GK5: variants seen among roughly 807,000 people sequenced by gnomAD.
GK5 encodes ATP:glycerol 3-phosphotransferase 5.
In GK5, 39 loss-of-function variants were observed where a neutral mutation model predicts 77.3. That is an observed-to-expected ratio of 0.50 (90% CI 0.39 to 0.66). The LOEUF is 0.66. GK5 is among the 30% of genes least tolerant of loss of function. The probability of loss-of-function intolerance (pLI) is 0.00; values close to 1 mark genes in which losing one functional copy is unlikely to be tolerated. For missense variants in GK5, 487 were observed against 633.8 expected, an observed-to-expected ratio of 0.77 and a Z score of 2.49; for synonymous variants, 211 against 208.0, an observed-to-expected ratio of 1.01 and a Z score of -0.13.
At chr3:142,203,648 C>T (rs911075065) in intron 4 of GK5, among the ~76,000 whole-genome samples, 1 of 152,130 alleles carries the variant, frequency 6.6e-6, no homozygotes, top group Non-Finnish European at 1.5e-5. Context: ...GTGGCATATG[C>T]TTGTAGTCCC....
In GK5 at chr3:142,186,238, T is replaced by TA. The variant is rs773181832; in HGVS notation, c.710dup (p.Ile238AsnfsTer23). 6.2e-7 allele frequency: 1 copy of TA among 1,607,062 alleles called. No homozygotes were observed. The highest frequency in any genetic ancestry group is 1.3e-5 in the African/African-American group (1 of 74,888). On this transcript the variant is annotated frameshift_variant, in exon 8 of 16. Coordinates refer to ENST00000392993, the MANE Select transcript of GK5 (RefSeq NM_001039547.3). LOFTEE classifies it high-confidence loss of function. ...GTAGGAGAGAAAGTGGTATCGAAAT[T>TA]AGAGAGGTAATCATCCCACTCCAAC...
chr3:142,222,805 C>T (rs1388911642), intron 1 of GK5, among the ~76,000 whole-genome samples: 1 of 152,098 alleles, frequency 6.6e-6, no homozygotes, highest in Non-Finnish European at 1.5e-5. Context: ...AAAAAAAAGG[C>T]ATACAAAATA....
At chr3:142,210,833 G>A (rs577013086) in intron 3 of GK5, among the ~76,000 whole-genome samples, 26 of 152,342 alleles carry the variant, frequency 1.7e-4, no homozygotes, top group African/African-American at 6.3e-4. Context: ...TGTCATGAGT[G>A]ATATGGTAGC....
At chr3:142,219,497 T>C (rs753574604) in intron 1 of GK5, among the ~76,000 whole-genome samples, 5 of 152,196 alleles carry the variant, frequency 3.3e-5, no homozygotes, top group Non-Finnish European at 4.4e-5. Context: ...TATGATTCCA[T>C]TTATATGACA....
intron 14 of GK5, among the ~76,000 whole-genome samples, chr3:142,171,173 G>A (rs1489179043): frequency 6.6e-6 from 1 of 152,092 alleles, no homozygotes; most frequent in Non-Finnish European, 1.5e-5. Context: ...AGAGGTTGCA[G>A]TGAGCCGAGA....
intron 4 of GK5, among the ~76,000 whole-genome samples, chr3:142,201,534 A>C (rs956959869): frequency 1.3e-5 from 2 of 152,226 alleles, no homozygotes; most frequent in Non-Finnish European, 2.9e-5. Flanking sequence ...ACAGAAGAAC[A>C]ACACAAGAGA....
chr3:142,157,708 A>G lies in GK5; in HGVS notation c.*7914T>C, dbSNP rs1487717470. The G allele has an allele frequency of 6.6e-6, 1 of 152,212 alleles. No individual in the cohort carries two copies. The highest frequency in any genetic ancestry group is 1.5e-5 in the Non-Finnish European group (1 of 68,034). 9.4% of individuals were successfully genotyped at this position (152,212 alleles called of 1,614,324 possible). ...TATTTATAATCTTTCTAAATATTTT[A>G]AAATACAGTATATTTTCACAACAAA... is the stretch of plus-strand genomic sequence containing the variant. On this transcript the variant is annotated 3_prime_UTR_variant, in exon 16 of 16. Coordinates refer to ENST00000392993, the MANE Select transcript of GK5 (RefSeq NM_001039547.3).
intron 5 of GK5, among the ~76,000 whole-genome samples, chr3:142,194,415 A>C (rs910358355): frequency 6.6e-6 from 1 of 152,060 alleles, no homozygotes; most frequent in Non-Finnish European, 1.5e-5. Flanking sequence ...AGTCCCAACT[A>C]CTTGGGAGGC....
At chr3:142,186,666 C>A (rs1264194625) in intron 6 of GK5, among the ~76,000 whole-genome samples, 153 bp from the exon 7 acceptor site, 1 of 138,992 alleles carries the variant, frequency 7.2e-6, no homozygotes. Flanking sequence ...GAGTTTCACT[C>A]GTTGCCCAGG....
At chr3:142,190,780 C>A (rs74834611) in intron 5 of GK5, among the ~76,000 whole-genome samples, 1,575 of 152,026 alleles carry the variant, frequency 0.01, 14 homozygotes, top group Non-Finnish European at 0.016. Flanking sequence ...AGATCAGAAA[C>A]AAGAAAAAGA....
At chr3:142,223,315 AC>A (rs1211708908) in intron 1 of GK5, among the ~76,000 whole-genome samples, 2 of 152,268 alleles carry the variant, frequency 1.3e-5, no homozygotes, top group Admixed American at 6.5e-5. Context: ...GCTTAAAAGT[AC>A]TTTGTGTCTA....
At chr3:142,184,260 C>CAAAAAAAAAAAAAAAAA (rs1161704184) in intron 9 of GK5, among the ~76,000 whole-genome samples, 12 of 10,670 alleles carry the variant, frequency 1.1e-3, no homozygotes, top group African/African-American at 1.6e-3. Flanking sequence ...GACTCTGTCT[C>CAAAAAAAAAAAAAAAAA]AAAAAAAAAA....
Position 142,164,026 on chromosome 3 carries a change from TAAATA to T in GK5, c.*1591_*1595del, listed in dbSNP as rs1560206276. ...CATAATGAAGTTTGACTTTTTACAG[TAAATA>T]AAATACCTATTTATTAATATTTCCA... On this transcript the variant is annotated 3_prime_UTR_variant, in exon 16 of 16. Transcript: ENST00000392993. 6.6e-6 allele frequency: 1 copy of T among 152,134 alleles called. No individual in the cohort carries two copies. The allele number at this position is 152,134 out of a possible 1,614,324, so 9.4% of individuals were successfully genotyped here.
intron 5 of GK5, among the ~76,000 whole-genome samples, chr3:142,188,934 A>G (rs1286042162): frequency 6.6e-6 from 1 of 152,238 alleles, no homozygotes; most frequent in African/African-American, 2.4e-5. Flanking sequence ...TTAGGGTGTT[A>G]TTAACATACT....
At chr3:142,176,913 G>A (rs780978567) in intron 12 of GK5, among the ~76,000 whole-genome samples, 11 of 151,922 alleles carry the variant, frequency 7.2e-5, no homozygotes, top group East Asian at 1.9e-4. Context: ...CACCCGCCTC[G>A]GCCTCCCAAA....
intron 11 of GK5, among the ~76,000 whole-genome samples, chr3:142,180,427 A>G (rs553016593): frequency 1.0e-3 from 157 of 150,864 alleles, no homozygotes; most frequent in Non-Finnish European, 1.9e-3. Flanking sequence ...CTCAGCCTCC[A>G]GAGTAGCTGG....
At position 142,163,968 on chromosome 3, in the gene GK5, AGG is replaced by A. The variant is rs911932838; in HGVS notation, c.*1652_*1653del. 1 of 152,198 alleles carries A rather than the reference AGG, an allele frequency of 6.6e-6. No homozygotes were observed. The highest frequency in any genetic ancestry group is 2.4e-5 in the African/African-American group (1 of 41,460). The allele number at this position is 152,198 out of a possible 1,614,324, so 9.4% of individuals were successfully genotyped here. ...TAAGCTTTGTAAAAAGGATGTAAAC[AGG>A]GGAAAGAATGAAAAGAATAAGATTT... On this transcript the variant is annotated 3_prime_UTR_variant, in exon 16 of 16. Transcript: ENST00000392993.
chr3:142,216,273 A>T (rs1403685953), intron 1 of GK5, among the ~76,000 whole-genome samples: 2 of 152,170 alleles, frequency 1.3e-5, no homozygotes, highest in African/African-American at 4.8e-5. Context: ...GCACAGAGGA[A>T]GTGCCAGGAT....
chr3:142,190,582 A>G (rs774816167), intron 5 of GK5, among the ~76,000 whole-genome samples: 3 of 152,242 alleles, frequency 2.0e-5, no homozygotes, highest in Non-Finnish European at 4.4e-5. Flanking sequence ...AGTAGCTTGC[A>G]TAAAACACAC....
Sources: allele counts gnomAD v4.1 joint callset (sites outside exome capture counted in the v4.1 genomes callset), GRCh38; gene constraint gnomAD v4.1.1; transcripts MANE v1.5; gene names NCBI Gene and HGNC (gene_info 2026-07-23, HGNC 2026-07-21).